Variants in TESK2 observed in about 807,000 individuals in gnomAD.
TESK2 encodes dual specificity testis-specific protein kinase 2.
Under a neutral mutation model 57.1 loss-of-function variants are expected in TESK2, and 39 were observed. That is an observed-to-expected ratio of 0.68 (90% CI 0.53 to 0.89). The LOEUF is 0.89. Ranked by LOEUF, TESK2 falls within the 40% of genes least tolerant of loss-of-function variation. The pLI, the probability that TESK2 is intolerant of heterozygous loss-of-function variation, is 0.00. For synonymous variants in TESK2, 249 were observed against 267.9 expected, an observed-to-expected ratio of 0.93 and a Z score of 0.69; for missense variants, 646 against 732.1, an observed-to-expected ratio of 0.88 and a Z score of 1.36.
chr1:45,415,497 T>G (rs754545313), intron 3 of TESK2, among the ~76,000 whole-genome samples: 7 of 152,108 alleles, frequency 4.6e-5, no homozygotes, highest in Non-Finnish European at 7.4e-5. Context: ...TTCCCTTCCA[T>G]GCATAGCTGG....
intron 3 of TESK2, among the ~76,000 whole-genome samples, chr1:45,403,942 CAGTG>C (rs1299128764): frequency 7.0e-6 from 1 of 143,744 alleles, no homozygotes; most frequent in East Asian, 2.1e-4. Flanking sequence ...CATATACATA[CAGTG>C]ACTTTAAATA....
chr1:45,403,147 G>A (rs1397016840), intron 3 of TESK2, among the ~76,000 whole-genome samples: 2 of 151,610 alleles, frequency 1.3e-5, no homozygotes, highest in Admixed American at 6.6e-5. Flanking sequence ...AGCTGGGTGT[G>A]GGGCACGCCT....
chr1:45,454,554 C>T (rs1304746734), intron 2 of TESK2, among the ~76,000 whole-genome samples: 1 of 152,004 alleles, frequency 6.6e-6, no homozygotes, highest in East Asian at 1.9e-4. Context: ...GCTGGGATTA[C>T]AGGCGTCAAC....
intron 4 of TESK2, among the ~76,000 whole-genome samples, chr1:45,384,620 T>TTTTA (rs1648817885): frequency 7.2e-6 from 1 of 138,720 alleles, no homozygotes; most frequent in African/African-American, 2.8e-5. Flanking sequence ...TTTTTTTTTT[T>TTTTA]TTTTTTGTAG....
intron 9 of TESK2, among the ~76,000 whole-genome samples, chr1:45,346,245 T>C (rs1647142174): frequency 6.6e-6 from 1 of 152,206 alleles, no homozygotes; most frequent in Non-Finnish European, 1.5e-5. Context: ...CATATTAGTT[T>C]ATTCTGTTCT....
chr1:45,374,182 T>C (rs1217868474), intron 4 of TESK2, among the ~76,000 whole-genome samples: 1 of 152,230 alleles, frequency 6.6e-6, no homozygotes, highest in African/African-American at 2.4e-5. Context: ...GAGGCAGATA[T>C]CTTTGCAGCT....
chr1:45,471,812 C>G (rs1557586608), intron 1 of TESK2, among the ~76,000 whole-genome samples: 2 of 152,004 alleles, frequency 1.3e-5, no homozygotes, highest in Non-Finnish European at 1.5e-5. Flanking sequence ...AGATGGGGGT[C>G]TCACTATGTT....
intron 4 of TESK2, among the ~76,000 whole-genome samples, chr1:45,374,011 C>T (rs1480836352): frequency 1.3e-5 from 2 of 152,190 alleles, no homozygotes; most frequent in African/African-American, 2.4e-5. Flanking sequence ...TCAAAAAGAA[C>T]TCTGTGAATT....
intron 1 of TESK2, among the ~76,000 whole-genome samples, chr1:45,465,897 A>G (rs1652531107): frequency 6.6e-6 from 1 of 152,224 alleles, no homozygotes; most frequent in Non-Finnish European, 1.5e-5. Context: ...TTTAAAAAGT[A>G]ATGTAGAGTT....
intron 2 of TESK2, 120 bp downstream of exon 2, chr1:45,457,444 T>C (rs1652152101): frequency 1.2e-6 from 1 of 831,228 alleles, no homozygotes; most frequent in East Asian, 2.5e-5. Flanking sequence ...TTTAGAACAG[T>C]GTTCAAGATC....
chr1:45,387,624 C>G (rs1394630392), intron 3 of TESK2, among the ~76,000 whole-genome samples: 3 of 152,132 alleles, frequency 2.0e-5, no homozygotes, highest in Admixed American at 1.3e-4. Context: ...ACCTAGTAAA[C>G]AAAGAGTAAG....
intron 1 of TESK2, among the ~76,000 whole-genome samples, chr1:45,489,017 A>T (rs1653602916): frequency 6.6e-6 from 1 of 151,858 alleles, no homozygotes; most frequent in African/African-American, 2.4e-5. Context: ...ACAAAAAATT[A>T]TCTGGGTGTG....
rs911199144 is a variant in TESK2, at chr1:45,397,974, C to G, written c.345-12014G>C. On this transcript the variant is annotated intron_variant, in intron 3 of 10. Coordinates refer to ENST00000372086, the MANE Select transcript of TESK2 (RefSeq NM_007170.3). ...TCAGGCTGGAGTGCAGTGGCGTGAT[C>G]ATAGCTAACTGCAGCCTTGAACTCA... 2.0e-5 allele frequency among the ~76,000 whole-genome samples: 3 copies of G among 152,190 alleles called. No individual in the cohort carries two copies. The South Asian group carries it at 6.2e-4, about 32-fold the overall frequency.
intron 3 of TESK2, among the ~76,000 whole-genome samples, chr1:45,394,179 C>T (rs571690172): frequency 6.6e-6 from 1 of 151,764 alleles, no homozygotes; most frequent in South Asian, 2.1e-4. Context: ...CTTGCTCTGT[C>T]GCCCAGTCTG....
chr1:45,441,413 G>A (rs1180830209), intron 2 of TESK2, among the ~76,000 whole-genome samples: 1 of 152,030 alleles, frequency 6.6e-6, no homozygotes, highest in African/African-American at 2.4e-5. Flanking sequence ...CTGACCTCAG[G>A]TGATCCGCCT....
In TESK2 at chr1:45,423,794, T is replaced by C. The variant is rs77490730; in HGVS notation, c.223-1948A>G. 4.9e-3 allele frequency among the ~76,000 whole-genome samples: 752 copies of C among 152,294 alleles called. 7 individuals are homozygous for C. Among genetic ancestry groups the C allele is most frequent in the African/African-American group, 0.017 (711 of 41,558 alleles). ...GCCCTCTATAGAACTCAATCTATTG[T>C]GCATGTGTAAATATTATTTATCATT... On this transcript the variant is annotated intron_variant, in intron 2 of 10. Coordinates refer to ENST00000372086, the MANE Select transcript of TESK2 (RefSeq NM_007170.3).
intron 4 of TESK2, among the ~76,000 whole-genome samples, chr1:45,364,861 G>A (rs987048776): frequency 2.6e-5 from 4 of 152,178 alleles, no homozygotes; most frequent in African/African-American, 7.2e-5. Context: ...AAAGATTTCA[G>A]AATCTTAAAT....
At chr1:45,396,967 C>CTTGTAATT (rs1649396188) in intron 3 of TESK2, among the ~76,000 whole-genome samples, 2 of 151,036 alleles carry the variant, frequency 1.3e-5, no homozygotes, top group Non-Finnish European at 3.0e-5. Context: ...TACAAGCGTG[C>CTTGTAATT]ACCACCATGC....
intron 3 of TESK2, among the ~76,000 whole-genome samples, chr1:45,391,254 G>A (rs1374328821): frequency 7.3e-5 from 7 of 95,924 alleles, no homozygotes; most frequent in African/African-American, 3.0e-4. Context: ...GTCTTGCTTT[G>A]TTGTCCAGGC....
Sources: allele counts gnomAD v4.1 joint callset (sites outside exome capture counted in the v4.1 genomes callset), GRCh38; gene constraint gnomAD v4.1.1; transcripts MANE v1.5; gene names NCBI Gene and HGNC (gene_info 2026-07-23, HGNC 2026-07-21).